PDLIM5: variants seen among roughly 807,000 people sequenced by gnomAD.
PDLIM5 encodes PDZ and LIM domain protein 5.
Under a neutral mutation model 64.2 loss-of-function variants are expected in PDLIM5, and 34 were observed. That is an observed-to-expected ratio of 0.53 (90% confidence interval 0.40 to 0.71). PDLIM5 has a LOEUF of 0.71. Among genes scored for constraint, PDLIM5 ranks in the 30% least tolerant of loss-of-function variants. The pLI is 0.00. For synonymous variants in PDLIM5, 253 were observed against 269.1 expected (o/e 0.94, Z 0.59); for missense variants, 683 against 733.6 (o/e 0.93, Z 0.80).
intron 3 of PDLIM5, among the ~76,000 whole-genome samples, chr4:94,538,178 T>A (rs1174647562): frequency 6.6e-6 from 1 of 152,188 alleles, no homozygotes; most frequent in Non-Finnish European, 1.5e-5. Flanking sequence ...CTCATTCGTT[T>A]CCTTAGCAGC....
At position 94,523,823 on chromosome 4, in the gene PDLIM5, G is replaced by A. The variant is rs775984139; in HGVS notation, c.196G>A (p.Ala66Thr). The A allele has an allele frequency of 2.2e-5, 35 of 1,612,698 alleles. No individual in the cohort carries two copies. The highest frequency in any genetic ancestry group is 3.0e-5 in the Non-Finnish European group (35 of 1,178,888). ...INAQGMTHLE[A>T]QNKIKGCTGS... ...TGCACAAGGAATGACTCATCTTGAA[G>A]CCCAGAATAAGATTAAGGGTTGTAC... The change falls in exon 3 of 13, where the codon GCC becomes ACC. Residue 66 changes from alanine to threonine, a missense_variant. Transcript: ENST00000317968.
chr4:94,562,375 C>A (rs1296580355), intron 3 of PDLIM5, among the ~76,000 whole-genome samples: 1 of 152,126 alleles, frequency 6.6e-6, no homozygotes, highest in Non-Finnish European at 1.5e-5. Context: ...TTGCTTCATA[C>A]TTGTATTAGG....
At chr4:94,645,544 A>ACATT (rs893733662) in intron 9 of PDLIM5, among the ~76,000 whole-genome samples, 1 of 152,192 alleles carries the variant, frequency 6.6e-6, no homozygotes. Flanking sequence ...ATTCTGAAAT[A>ACATT]CATTCATTCA....
At position 94,527,046 on chromosome 4, in the gene PDLIM5, CTTT is replaced by C. The variant is rs57625095; in HGVS notation, c.248+3197_248+3199del. Among the ~76,000 whole-genome samples, 290 of 57,828 alleles carry C rather than the reference CTTT, an allele frequency of 5.0e-3. 13 individuals carry two copies. Among genetic ancestry groups the C allele is most frequent in the African/African-American group, 0.02 (274 of 13,900 alleles). The allele number at this position is 57,828 out of a possible 152,430, so 37.9% of individuals were successfully genotyped here. ...CATTGCGCCCGGCCTGAACAGCATT[CTTT>C]TTTTTTTTTTTTTTTTTTTTTTTTT... On this transcript the variant is annotated intron_variant, in intron 3 of 12. Coordinates refer to ENST00000317968, the MANE Select transcript of PDLIM5 (RefSeq NM_006457.5).
chr4:94,616,241 A>G (rs944897936), intron 7 of PDLIM5, among the ~76,000 whole-genome samples: 5 of 152,336 alleles, frequency 3.3e-5, no homozygotes, highest in East Asian at 3.9e-4. Flanking sequence ...AATGACCTCT[A>G]TATAAGTATT....
At chr4:94,491,133 T>C (rs1420990542) in intron 2 of PDLIM5, among the ~76,000 whole-genome samples, 1 of 152,158 alleles carries the variant, frequency 6.6e-6, no homozygotes, top group African/African-American at 2.4e-5. Context: ...CACTGTTTCA[T>C]TGTGGGAAAA....
chr4:94,619,515 C>T (rs2110400060), intron 8 of PDLIM5, among the ~76,000 whole-genome samples: 1 of 152,144 alleles, frequency 6.6e-6, no homozygotes, highest in East Asian at 1.9e-4. Flanking sequence ...TGGCGGGCGC[C>T]TGTAGTCCCA....
intron 7 of PDLIM5, among the ~76,000 whole-genome samples, chr4:94,592,201 G>A (rs1171567500): frequency 6.6e-6 from 1 of 152,212 alleles, no homozygotes; most frequent in Non-Finnish European, 1.5e-5. Context: ...TGTGAATGAA[G>A]CAATGAAATG....
intron 7 of PDLIM5, chr4:94,588,100 G>A (rs1458309492): frequency 1.1e-6 from 1 of 932,390 alleles, no homozygotes; most frequent in African/African-American, 1.8e-5. Flanking sequence ...GTTTGGAAAA[G>A]TATTGTAATA....
rs181042140 is a variant in PDLIM5, at chr4:94,464,591, T to G, written c.96+9207T>G. ...GAAAACAAATGTTTTGTCCCTTAACTAGGACCCCTTAGAAATGTTCTGGAG... is the reference window on the plus strand; with the variant it reads ...GAAAACAAATGTTTTGTCCCTTAACGAGGACCCCTTAGAAATGTTCTGGAG... On this transcript the variant is annotated intron_variant, in intron 2 of 12. Transcript: ENST00000317968. Among the ~76,000 whole-genome samples the G allele has an allele frequency of 3.8e-3, 574 of 152,358 alleles. 7 individuals carry two copies. Among genetic ancestry groups the G allele is most frequent in the African/African-American group, 0.013 (520 of 41,580 alleles).
chr4:94,655,135 A>G (rs1169409377), intron 10 of PDLIM5, among the ~76,000 whole-genome samples: 3 of 152,350 alleles, frequency 2.0e-5, no homozygotes, highest in Admixed American at 1.3e-4. Context: ...TCTTGAATAC[A>G]TACAGTGTTT....
chr4:94,659,952 A>G (rs1265752338), intron 11 of PDLIM5, among the ~76,000 whole-genome samples: 1 of 148,760 alleles, frequency 6.7e-6, no homozygotes, highest in East Asian at 2.0e-4. Context: ...GCTGCAGTGC[A>G]GTGGCCCGAT....
At chr4:94,585,799 A>C in intron 6 of PDLIM5, 62 bp downstream of exon 6, 1 of 1,330,932 alleles carries the variant, frequency 7.5e-7, no homozygotes, top group Non-Finnish European at 1.1e-6. Context: ...AGTGGCATTG[A>C]GACTGATTGG....
At chr4:94,505,112 A>G (rs997520040) in intron 2 of PDLIM5, among the ~76,000 whole-genome samples, 3 of 152,200 alleles carry the variant, frequency 2.0e-5, no homozygotes, top group Non-Finnish European at 4.4e-5. Context: ...ATATTTCCCC[A>G]TACACCAACC....
intron 3 of PDLIM5, among the ~76,000 whole-genome samples, chr4:94,560,209 C>T (rs937505939): frequency 1.3e-5 from 2 of 152,104 alleles, no homozygotes; most frequent in African/African-American, 4.8e-5. Flanking sequence ...ATTGAGTTCA[C>T]CTTGGTGATT....
At chr4:94,566,775 T>C (rs1734358025) in intron 3 of PDLIM5, among the ~76,000 whole-genome samples, 1 of 152,186 alleles carries the variant, frequency 6.6e-6, no homozygotes, top group Non-Finnish European at 1.5e-5. Context: ...AAGAAAAAAA[T>C]AAATAGTCAA....
chr4:94,590,752 T>G (rs1736613733), intron 7 of PDLIM5, among the ~76,000 whole-genome samples: 1 of 152,170 alleles, frequency 6.6e-6, no homozygotes, highest in South Asian at 2.1e-4. Flanking sequence ...GAGTCCAGGC[T>G]AGGCAGGGAA....
chr4:94,479,500 AT>A (rs1266967200), intron 2 of PDLIM5, among the ~76,000 whole-genome samples: 55 of 138,308 alleles, frequency 4.0e-4, no homozygotes, highest in Admixed American at 7.2e-4. Flanking sequence ...GCTGATTTTT[AT>A]TTTTTTTTTT....
At chr4:94,541,720 A>C (rs1731821126) in intron 3 of PDLIM5, among the ~76,000 whole-genome samples, 1 of 152,124 alleles carries the variant, frequency 6.6e-6, no homozygotes, top group African/African-American at 2.4e-5. Flanking sequence ...TTCCATATAC[A>C]TCTTCTCTGC....
Sources: allele counts gnomAD v4.1 joint callset (sites outside exome capture counted in the v4.1 genomes callset), GRCh38; gene constraint gnomAD v4.1.1; transcripts MANE v1.5; gene names NCBI Gene and HGNC (gene_info 2026-07-23, HGNC 2026-07-21).